The following KIT variants were observed in gnomAD, a reference collection of about 807,000 sequenced individuals.
KIT encodes the protein mast/stem cell growth factor receptor Kit.
A neutral mutation model predicts 105.7 loss-of-function variants in KIT; 16 were observed. The observed-to-expected ratio is 0.15, with a 90% CI of 0.10 to 0.23. The LOEUF (loss-of-function observed/expected upper bound fraction) is 0.23. Ranked by LOEUF, KIT falls within the 10% of genes least tolerant of loss-of-function variation. The pLI is 1.00. For missense variants in KIT, 858 were observed against 1,213.8 expected (o/e 0.71, Z 4.36); for synonymous variants, 438 against 441.1 (o/e 0.99, Z 0.09).
intron 8 of KIT, among the ~76,000 whole-genome samples, chr4:54,724,830 GCCGT>G (rs1337925494): frequency 6.6e-6 from 1 of 152,084 alleles, no homozygotes; most frequent in African/African-American, 2.4e-5. Flanking sequence ...CGCATTCAAA[GCCGT>G]CCTGGGCCAC....
At chr4:54,713,659 T>C (rs888658714) in intron 7 of KIT, among the ~76,000 whole-genome samples, 26 of 152,370 alleles carry the variant, frequency 1.7e-4, no homozygotes, top group African/African-American at 6.0e-4. Context: ...TTGAAAATCC[T>C]TGATTTGGCA....
chr4:54,727,075 A>G (rs1056067903), intron 9 of KIT, 143 bp from the exon 10 acceptor site: 19 of 754,818 alleles, frequency 2.5e-5, no homozygotes, highest in African/African-American at 2.1e-4. Context: ...CAATGTAACC[A>G]AGGTGAAGCT....
At chr4:54,736,658 CTTGAAG>C (rs1287875940) in intron 18 of KIT, 49 bp downstream of exon 18, 1 of 1,597,112 alleles carries the variant, frequency 6.3e-7, no homozygotes, top group South Asian at 1.1e-5. Flanking sequence ...AGAGCATCTT[CTTGAAG>C]TTTCATTGGT....
intron 1 of KIT, among the ~76,000 whole-genome samples, chr4:54,691,326 C>G (rs1468215346): frequency 6.6e-6 from 1 of 152,170 alleles, no homozygotes; most frequent in African/African-American, 2.4e-5. Flanking sequence ...GATATGGACA[C>G]AGTTGAACAT....
chr4:54,725,595 G>C (rs1722163446), intron 8 of KIT, among the ~76,000 whole-genome samples: 1 of 152,058 alleles, frequency 6.6e-6, no homozygotes, highest in Non-Finnish European at 1.5e-5. Flanking sequence ...TACAGTCGTA[G>C]AAACTCAGTG....
intron 16 of KIT, among the ~76,000 whole-genome samples, chr4:54,732,374 A>G (rs1722666252): frequency 6.6e-6 from 1 of 152,102 alleles, no homozygotes; most frequent in African/African-American, 2.4e-5. Context: ...CTTGGGGTGA[A>G]GCATAGACTT....
chr4:54,723,382 G>T (rs1380464230), intron 7 of KIT, among the ~76,000 whole-genome samples: 2 of 152,156 alleles, frequency 1.3e-5, no homozygotes, highest in African/African-American at 4.8e-5. Context: ...GGCCACTGTG[G>T]CTGGGAAAGC....
At chr4:54,722,895 A>ATATGTATT (rs1721983263) in intron 7 of KIT, among the ~76,000 whole-genome samples, 1 of 143,120 alleles carries the variant, frequency 7.0e-6, no homozygotes, top group African/African-American at 2.7e-5. Flanking sequence ...GTATTTATAT[A>ATATGTATT]TATATATTCA....
chr4:54,720,441 C>T (rs1258431774), intron 7 of KIT, among the ~76,000 whole-genome samples: 1 of 152,190 alleles, frequency 6.6e-6, no homozygotes, highest in East Asian at 1.9e-4. Flanking sequence ...AGGTGTCACG[C>T]TAGAAGGCTT....
At chr4:54,703,546 A>G (rs957317737) in intron 4 of KIT, among the ~76,000 whole-genome samples, 178 bp from the exon 5 acceptor site, 1 of 152,188 alleles carries the variant, frequency 6.6e-6, no homozygotes, top group Non-Finnish European at 1.5e-5. Context: ...ATCCTGTAAT[A>G]TGAAGTGTTC....
chr4:54,703,936 A>C (rs1270976823), intron 5 of KIT, 44 bp downstream of exon 5: 1 of 1,436,388 alleles, frequency 7.0e-7, no homozygotes, highest in South Asian at 1.1e-5. Flanking sequence ...GCAGTAGTGA[A>C]AGAAGAAATT....
chr4:54,705,323 G>T (rs1720717999), intron 5 of KIT, among the ~76,000 whole-genome samples: 1 of 152,174 alleles, frequency 6.6e-6, no homozygotes, highest in Middle Eastern at 3.2e-3. Flanking sequence ...GGTGGAACAG[G>T]AACAGGAGGA....
At chr4:54,738,249 A>G (rs1384502188) in intron 20 of KIT, among the ~76,000 whole-genome samples, 180 bp from the exon 21 acceptor site, 3 of 152,192 alleles carry the variant, frequency 2.0e-5, no homozygotes, top group Non-Finnish European at 2.9e-5. Flanking sequence ...TGAAGGGGGA[A>G]AACAAAGCTT....
intron 1 of KIT, among the ~76,000 whole-genome samples, chr4:54,675,330 T>C (rs1292705061): frequency 1.3e-5 from 2 of 152,244 alleles, no homozygotes; most frequent in Non-Finnish European, 2.9e-5. Flanking sequence ...TTTTAGACAT[T>C]TCCTCTTGTT....
rs752630006 is a variant in KIT, at chr4:54,698,582, A to C, written c.619+17A>C. On this transcript the variant is annotated intron_variant, in intron 3 of 20. Transcript: ENST00000288135. ...TGAGGCCAGGTACTGGCTCTTTCTT[A>C]TCTGCCTCTGGGAGTTGAGAACTCA... is the stretch of plus-strand genomic sequence containing the variant. 1 of 1,613,580 alleles carries C rather than the reference A, an allele frequency of 6.2e-7. No individual in the cohort carries two copies. The highest frequency in any genetic ancestry group is 1.1e-5 in the South Asian group (1 of 91,054).
intron 1 of KIT, among the ~76,000 whole-genome samples, chr4:54,660,907 T>A (rs1717214598): frequency 1.3e-5 from 2 of 152,226 alleles, no homozygotes. Flanking sequence ...GGATGGCCAA[T>A]GTCACTACCT....
rs558736346 is a variant in KIT, at chr4:54,685,817, C to T, written c.68-9695C>T. Among the ~76,000 whole-genome samples, 5 of 152,346 alleles carry T rather than the reference C, an allele frequency of 3.3e-5. No individual in the cohort carries two copies. The South Asian group carries it at 1.0e-3, about 32-fold the overall frequency. On this transcript the variant is annotated intron_variant, in intron 1 of 20. Transcript: ENST00000288135. ...AGTGATAGACCTTTCTCCTCTTCTACCCCTCAGCCTGGCTGCACACATCAC... is the reference window on the plus strand; with the variant it reads ...AGTGATAGACCTTTCTCCTCTTCTATCCCTCAGCCTGGCTGCACACATCAC...
intron 1 of KIT, among the ~76,000 whole-genome samples, chr4:54,676,979 C>A (rs1022100807): frequency 1.3e-5 from 2 of 152,070 alleles, no homozygotes; most frequent in East Asian, 3.9e-4. Context: ...CATTGTACAG[C>A]GTGCTTGTTC....
chr4:54,695,865 G>C (rs1051852323), intron 2 of KIT, 84 bp downstream of exon 2: 78 of 1,509,088 alleles, frequency 5.2e-5, no homozygotes, highest in Non-Finnish European at 6.8e-5. Flanking sequence ...GGATGACTGA[G>C]CCATAGATAA....
Sources: gnomAD v4.1 joint callset for allele counts (sites outside exome capture counted in the v4.1 genomes callset) on GRCh38, gnomAD v4.1.1 for gene constraint, MANE v1.5 for transcripts, NCBI Gene and HGNC (gene_info 2026-07-23, HGNC 2026-07-21) for gene names.